Variants in AUTS2 observed in about 807,000 individuals in gnomAD.
The protein encoded by AUTS2 is activator of transcription and developmental regulator AUTS2.
AUTS2 carries 17 observed loss-of-function variants against 112.4 expected under a neutral mutation model. The ratio of observed to expected loss-of-function variants is 0.15; its 90% confidence interval spans 0.10 to 0.23. The LOEUF is 0.23. Among genes scored for constraint, AUTS2 ranks in the 10% least tolerant of loss-of-function variants. The probability of loss-of-function intolerance (pLI) is 1.00; values close to 1 mark genes in which losing one functional copy is unlikely to be tolerated. For synonymous variants in AUTS2, 751 were observed against 702.7 expected (o/e 1.07, Z -1.09); for missense variants, 1,510 against 1,701.6 (o/e 0.89, Z 1.98).
intron 14 of AUTS2, chr7:70,781,390 C>T: frequency 2.8e-6 from 1 of 354,732 alleles, no homozygotes; most frequent in Non-Finnish European, 4.9e-6. Flanking sequence ...AAAAACCAGA[C>T]CAAACACTAG....
chr7:70,430,929 G>A (rs1164489846), intron 4 of AUTS2, among the ~76,000 whole-genome samples: 9 of 141,306 alleles, frequency 6.4e-5, no homozygotes, highest in South Asian at 2.4e-4. Context: ...TCCGCCTCCC[G>A]GGTTCGCGCC....
At chr7:69,805,207 G>A (rs973799246) in intron 1 of AUTS2, among the ~76,000 whole-genome samples, 1 of 152,200 alleles carries the variant, frequency 6.6e-6, no homozygotes, top group African/African-American at 2.4e-5. Flanking sequence ...CAAAGATACT[G>A]TGAGGTTACA....
chr7:69,914,338 CACAGACACACACACACAG>C (rs1210718005), intron 2 of AUTS2, among the ~76,000 whole-genome samples: 1 of 140,138 alleles, frequency 7.1e-6, no homozygotes, highest in Non-Finnish European at 1.5e-5. Context: ...CACACACAGA[CACAGACACACACACACAG>C]ACACACACAC....
intron 6 of AUTS2, among the ~76,000 whole-genome samples, chr7:70,701,651 T>G (rs1319832843): frequency 6.6e-6 from 1 of 151,776 alleles, no homozygotes; most frequent in Non-Finnish European, 1.5e-5. Flanking sequence ...AAACAGCACA[T>G]GCTTGCATGT....
chr7:70,132,164 TAAAAAAAAAA>T (rs200482728), intron 3 of AUTS2, among the ~76,000 whole-genome samples: 5 of 102,596 alleles, frequency 4.9e-5, no homozygotes, highest in Non-Finnish European at 8.0e-5. Context: ...TCTTTTCCCT[TAAAAAAAAAA>T]AAAAAAAAAA....
intron 4 of AUTS2, among the ~76,000 whole-genome samples, chr7:70,304,786 A>G (rs1480547665): frequency 1.4e-5 from 2 of 147,824 alleles, no homozygotes; most frequent in African/African-American, 5.1e-5. Flanking sequence ...GTGACACTCA[A>G]ATAGTTTCAG....
chr7:70,104,602 C>T (rs1357241044), intron 2 of AUTS2, among the ~76,000 whole-genome samples: 2 of 152,076 alleles, frequency 1.3e-5, no homozygotes, highest in Non-Finnish European at 2.9e-5. Context: ...GAATTAGCCT[C>T]TAGAATATTA....
chr7:70,003,759 AATAT>A (rs1220034181), intron 2 of AUTS2, among the ~76,000 whole-genome samples: 8 of 122,300 alleles, frequency 6.5e-5, no homozygotes, highest in Admixed American at 9.2e-5. Flanking sequence ...GTTATATATG[AATAT>A]ATATAATATA....
intron 1 of AUTS2, among the ~76,000 whole-genome samples, chr7:69,794,945 G>A (rs1011771316): frequency 3.3e-5 from 5 of 152,100 alleles, no homozygotes; most frequent in African/African-American, 4.8e-5. Flanking sequence ...TTCTCAAAAG[G>A]AATGTAGTAC....
chr7:70,008,105 ACT>A (rs1799628629), intron 2 of AUTS2, among the ~76,000 whole-genome samples: 1 of 151,692 alleles, frequency 6.6e-6, no homozygotes, highest in East Asian at 1.9e-4. Flanking sequence ...AAGTATATTA[ACT>A]CTATGTTGTG....
chr7:69,786,210 G>A (rs560125040), intron 1 of AUTS2, among the ~76,000 whole-genome samples: 30 of 151,852 alleles, frequency 2.0e-4, no homozygotes, highest in African/African-American at 6.8e-4. Flanking sequence ...GCACTCTGTA[G>A]AAATGCAGCA....
chr7:70,602,090 G>T (rs1803501145), intron 5 of AUTS2, among the ~76,000 whole-genome samples: 1 of 152,054 alleles, frequency 6.6e-6, no homozygotes, highest in South Asian at 2.1e-4. Flanking sequence ...CATCCTCAGG[G>T]CTCCCAGGCA....
intron 3 of AUTS2, 109 bp from the exon 4 acceptor site, chr7:70,134,427 G>A (rs1806438276): frequency 3.5e-6 from 3 of 848,330 alleles, no homozygotes; most frequent in Middle Eastern, 4.4e-4. Context: ...CACTGGTGAT[G>A]TGATGTGGTG....
chr7:70,320,617 A>G (rs1433822349), intron 4 of AUTS2, among the ~76,000 whole-genome samples: 1 of 152,170 alleles, frequency 6.6e-6, no homozygotes, highest in Non-Finnish European at 1.5e-5. Context: ...GTTTTCAAGG[A>G]GTAAGTACTC....
At chr7:69,944,693 A>G (rs1164717903) in intron 2 of AUTS2, among the ~76,000 whole-genome samples, 1 of 152,146 alleles carries the variant, frequency 6.6e-6, no homozygotes, top group Non-Finnish European at 1.5e-5. Flanking sequence ...TTTTTAGACT[A>G]ACTTTGAGAT....
chr7:70,004,881 A>G, intron 2 of AUTS2, among the ~76,000 whole-genome samples: 1 of 151,704 alleles, frequency 6.6e-6, no homozygotes, highest in South Asian at 2.1e-4. Flanking sequence ...CTGGAGTGCA[A>G]TGACATGGTC....
chr7:70,526,859 A>C (rs1398431421), intron 5 of AUTS2, among the ~76,000 whole-genome samples: 2 of 152,070 alleles, frequency 1.3e-5, no homozygotes, highest in Admixed American at 6.6e-5. Flanking sequence ...GAATCTCTGA[A>C]TGGTCTTAGT....
At chr7:70,401,582 G>C (rs747587093) in intron 4 of AUTS2, among the ~76,000 whole-genome samples, 43 of 152,374 alleles carry the variant, frequency 2.8e-4, no homozygotes, top group Middle Eastern at 3.4e-3. Context: ...GGTGAAGACA[G>C]ATGAGACCGT....
intron 4 of AUTS2, among the ~76,000 whole-genome samples, chr7:70,431,665 G>A (rs1386833242): frequency 2.0e-5 from 3 of 152,234 alleles, no homozygotes; most frequent in Admixed American, 6.5e-5. Context: ...GATTACAGGC[G>A]TGAGCCCCGT....
Sources: gnomAD v4.1 joint callset for allele counts (sites outside exome capture counted in the v4.1 genomes callset) on GRCh38, gnomAD v4.1.1 for gene constraint, MANE v1.5 for transcripts, NCBI Gene and HGNC (gene_info 2026-07-23, HGNC 2026-07-21) for gene names.